NCK1: variants seen among roughly 807,000 people sequenced by gnomAD.
The protein encoded by NCK1 is NCK adaptor protein 1.
In NCK1, 19 loss-of-function variants were observed where a neutral mutation model predicts 36.6. That is an observed-to-expected ratio of 0.52 (90% CI 0.36 to 0.76). The LOEUF (loss-of-function observed/expected upper bound fraction) is 0.76, where lower values mean the gene tolerates loss of function less well. Among genes scored for constraint, NCK1 ranks in the 30% least tolerant of loss-of-function variants. NCK1 has a pLI of 0.00. For synonymous variants in NCK1, 165 were observed against 156.0 expected, an observed-to-expected ratio of 1.06 and a Z score of -0.43; for missense variants, 358 against 445.6, an observed-to-expected ratio of 0.80 and a Z score of 1.77.
intron 1 of NCK1, among the ~76,000 whole-genome samples, chr3:136,874,218 C>T (rs1478702467): frequency 6.6e-6 from 1 of 152,186 alleles, no homozygotes; most frequent in Admixed American, 6.5e-5. Context: ...CTCTGTCACC[C>T]AGGCTGGAGT....
intron 2 of NCK1, chr3:136,930,456 ATTGGGTGTGGGAAGT>A: frequency 7.9e-7 from 1 of 1,259,402 alleles, no homozygotes; most frequent in Non-Finnish European, 1.0e-6. Flanking sequence ...GGTCACATGG[ATTGGGTGTGGGAAGT>A]TTCAGTGTTG....
At position 136,950,860 on chromosome 3, in the gene NCK1, T is replaced by A. The variant is rs566214878; in HGVS notation, c.*2407T>A. 1.3e-5 allele frequency among the ~76,000 whole-genome samples: 2 copies of A among 152,272 alleles called. No homozygotes were observed. The highest frequency in any genetic ancestry group is 4.8e-5 in the African/African-American group (2 of 41,554). On this transcript the variant is annotated 3_prime_UTR_variant, in exon 4 of 4. Transcript: ENST00000481752. ...ACCCTGCCTAACTCACTTCTACAAA[T>A]AACTTCCCCAAAATCTTAGAAGGTT... is the stretch of plus-strand genomic sequence containing the variant.
intron 1 of NCK1, among the ~76,000 whole-genome samples, chr3:136,903,619 T>C (rs920467343): frequency 3.3e-5 from 5 of 152,084 alleles, no homozygotes. Flanking sequence ...GAGATGGGGT[T>C]TCACCGTGTA....
At chr3:136,884,920 C>T (rs977471900) in intron 1 of NCK1, among the ~76,000 whole-genome samples, 4 of 151,874 alleles carry the variant, frequency 2.6e-5, no homozygotes, top group Admixed American at 6.6e-5. Context: ...GGTTTTTCAC[C>T]ACGTTGGTCA....
intron 1 of NCK1, among the ~76,000 whole-genome samples, chr3:136,926,289 T>A (rs984389185): frequency 9.3e-5 from 14 of 151,350 alleles, no homozygotes; most frequent in South Asian, 2.1e-4. Flanking sequence ...TATTATTATT[T>A]TTTGATACAG....
At position 136,951,533 on chromosome 3, in the gene NCK1, CTCTTA is replaced by C. The variant is rs1179646920; in HGVS notation, c.*3085_*3089del. On this transcript the variant is annotated 3_prime_UTR_variant, in exon 4 of 4. Transcript: ENST00000481752. ...GAGCTGGAATCTAATATGGATGGTC[CTCTTA>C]TCTTTACCAGTGCACATGGTGAAAA... 1.3e-5 allele frequency among the ~76,000 whole-genome samples: 2 copies of C among 152,128 alleles called. No homozygotes were observed. Among genetic ancestry groups the C allele is most frequent in the African/African-American group, 4.8e-5 (2 of 41,428 alleles).
At chr3:136,902,284 G>A (rs1469395325) in intron 1 of NCK1, among the ~76,000 whole-genome samples, 1 of 147,928 alleles carries the variant, frequency 6.8e-6, no homozygotes, top group Non-Finnish European at 1.5e-5. Context: ...TGCAACCTCC[G>A]CCTCCTGGGT....
At chr3:136,923,123 G>A (rs891160929) in intron 1 of NCK1, among the ~76,000 whole-genome samples, 29 of 151,872 alleles carry the variant, frequency 1.9e-4, no homozygotes, top group African/African-American at 6.1e-4. Context: ...GTGTGTGTGC[G>A]CGCCTGTGTG....
intron 3 of NCK1, among the ~76,000 whole-genome samples, chr3:136,947,401 G>T (rs1940858329): frequency 6.6e-6 from 1 of 152,132 alleles, no homozygotes; most frequent in South Asian, 2.1e-4. Context: ...GGGTAATTGA[G>T]TGTAGATATT....
intron 1 of NCK1, among the ~76,000 whole-genome samples, chr3:136,862,950 G>A (rs1471234720): frequency 6.6e-6 from 1 of 151,384 alleles, no homozygotes; most frequent in Non-Finnish European, 1.5e-5. Context: ...TGCTGGGGCT[G>A]TGAACTTTTG....
At chr3:136,907,452 A>G (rs1159008819) in intron 1 of NCK1, among the ~76,000 whole-genome samples, 1 of 152,142 alleles carries the variant, frequency 6.6e-6, no homozygotes, top group East Asian at 1.9e-4. Context: ...CATGGTTTCT[A>G]GGCACCTCTT....
chr3:136,892,900 T>TA (rs1319236393), intron 1 of NCK1, among the ~76,000 whole-genome samples: 1 of 152,006 alleles, frequency 6.6e-6, no homozygotes, highest in Non-Finnish European at 1.5e-5. Flanking sequence ...CTGAGATTGG[T>TA]ACAACCATCA....
At chr3:136,882,739 A>G (rs1364187404) in intron 1 of NCK1, among the ~76,000 whole-genome samples, 5 of 152,186 alleles carry the variant, frequency 3.3e-5, no homozygotes, top group African/African-American at 1.2e-4. Context: ...GAAGTGGCAT[A>G]TATCACTTTT....
At chr3:136,931,974 G>A (rs1434773469) in intron 2 of NCK1, among the ~76,000 whole-genome samples, 1 of 152,104 alleles carries the variant, frequency 6.6e-6, no homozygotes, top group African/African-American at 2.4e-5. Context: ...GCAAACATTA[G>A]CTGGGCGTGG....
chr3:136,870,191 AT>A (rs1938571170), intron 1 of NCK1, among the ~76,000 whole-genome samples: 1 of 151,928 alleles, frequency 6.6e-6, no homozygotes, highest in Non-Finnish European at 1.5e-5. Flanking sequence ...ATAATACAAA[AT>A]TTAGCTGGGC....
chr3:136,944,260 A>G (rs1264626007), intron 2 of NCK1, among the ~76,000 whole-genome samples: 1 of 151,782 alleles, frequency 6.6e-6, no homozygotes, highest in Non-Finnish European at 1.5e-5. Context: ...CTGGGACTAC[A>G]GGTGCACACC....
At position 136,894,834 on chromosome 3, in the gene NCK1, T is replaced by C. The variant is rs2108092973; in HGVS notation, c.-19+32481T>C. 2.6e-5 allele frequency among the ~76,000 whole-genome samples: 4 copies of C among 151,930 alleles called. No individual in the cohort carries two copies. In the East Asian group the frequency reaches 7.8e-4, roughly 30 times the overall value. On this transcript the variant is annotated intron_variant, in intron 1 of 3. Coordinates refer to ENST00000481752, the MANE Select transcript of NCK1 (RefSeq NM_001291999.2). Reference sequence around the variant, plus strand: ...GATTTTTTAAATCTTATTAGTACTTTTAATTATATTTTTCAGAAATAAGCT... The same window carrying C: ...GATTTTTTAAATCTTATTAGTACTTCTAATTATATTTTTCAGAAATAAGCT...
At position 136,878,410 on chromosome 3, in the gene NCK1, AAAAC is replaced by A. The variant is rs777568480; in HGVS notation, c.-19+16069_-19+16072del. Among the ~76,000 whole-genome samples the A allele has an allele frequency of 7.2e-5, 11 of 152,284 alleles. No homozygotes were observed. The East Asian group carries it at 9.6e-4, about 13-fold the overall frequency. ...GGCGACAGAGTGGGATTCTGTCTCA[AAAAC>A]AAACAAACAAATGTGCTAAGTATAC... On this transcript the variant is annotated intron_variant, in intron 1 of 3. Coordinates refer to ENST00000481752, the MANE Select transcript of NCK1 (RefSeq NM_001291999.2).
At chr3:136,875,965 A>T (rs990851349) in intron 1 of NCK1, among the ~76,000 whole-genome samples, 1 of 152,202 alleles carries the variant, frequency 6.6e-6, no homozygotes, top group African/African-American at 2.4e-5. Context: ...CTCAGGCCAC[A>T]GTGCAATCAA....
Sources: allele counts gnomAD v4.1 joint callset (sites outside exome capture counted in the v4.1 genomes callset), GRCh38; gene constraint gnomAD v4.1.1; transcripts MANE v1.5; gene names NCBI Gene and HGNC (gene_info 2026-07-23, HGNC 2026-07-21).